The following CASZ1 variants were observed in gnomAD, a reference collection of about 807,000 sequenced individuals.
CASZ1 encodes the protein zinc finger protein castor homolog 1.
In CASZ1, 28 loss-of-function variants were observed where a neutral mutation model predicts 135.2. The ratio of observed to expected loss-of-function variants is 0.21; its 90% CI spans 0.15 to 0.28. The LOEUF is 0.28. Among genes scored for constraint, CASZ1 ranks in the 10% least tolerant of loss-of-function variants. The probability of loss-of-function intolerance (pLI) is 1.00; values close to 1 mark genes in which losing one functional copy is unlikely to be tolerated. For missense variants in CASZ1, 2,161 were observed against 2,453.3 expected (o/e 0.88, Z 2.52); for synonymous variants, 1,068 against 1,073.4 (o/e 0.99, Z 0.10).
In CASZ1 at chr1:10,768,030, G is replaced by A. The variant is rs1370240965; in HGVS notation, c.-233-7173C>T. Among the ~76,000 whole-genome samples, 6 of 152,326 alleles carry A rather than the reference G, an allele frequency of 3.9e-5. No homozygotes were observed. The South Asian group carries it at 6.2e-4, about 16-fold the overall frequency. ...CTTGACTGAGTCAGGGGCCTTCCGG[G>A]AGCTGGAAGACCCTCACAAGGAGCG... On this transcript the variant is annotated intron_variant, in intron 1 of 20. Transcript: ENST00000377022.
rs1228224628 is a variant in CASZ1 at position 10,724,870 on chromosome 1, TTCTC to T, written c.-76-19330_-76-19327del. 6.6e-6 allele frequency among the ~76,000 whole-genome samples: 1 copy of T among 152,336 alleles called. No individual in the cohort carries two copies. The highest frequency in any genetic ancestry group is 6.5e-5 in the Admixed American group (1 of 15,312). On this transcript the variant is annotated intron_variant, in intron 2 of 20. Transcript: ENST00000377022. The surrounding 1 kb of genome is among the most constrained non-coding windows in gnomAD (Gnocchi z 4.1). ...ACCTGGGGAAGAGAAGGTGCTCAAC[TTCTC>T]TCTTTCTCCTCTTTCTCTGAAGTTT... is the stretch of plus-strand genomic sequence containing the variant.
At chr1:10,778,204 C>T (rs1352120197) in intron 1 of CASZ1, among the ~76,000 whole-genome samples, 1 of 151,548 alleles carries the variant, frequency 6.6e-6, no homozygotes, top group Non-Finnish European at 1.5e-5. Context: ...CACACTCTCA[C>T]ACACAACCAC....
At position 10,653,053 on chromosome 1, in the gene CASZ1, T is replaced by A. The variant is rs1210903334; in HGVS notation, c.2680+324A>T. Reference sequence around the variant, plus strand: ...TGCTCTTATCAGGGTGGACTTGGGATGTGGGAGGGTGAGCAGACAGGGAGG... The same window carrying A: ...TGCTCTTATCAGGGTGGACTTGGGAAGTGGGAGGGTGAGCAGACAGGGAGG... On this transcript the variant is annotated intron_variant, in intron 11 of 20. Transcript: ENST00000377022. 14 of 382,624 alleles carry A rather than the reference T, an allele frequency of 3.7e-5. No individual in the cohort carries two copies. The East Asian group carries it at 8.5e-4, about 23-fold the overall frequency. The allele number at this position is 382,624 out of a possible 1,614,324, so 23.7% of individuals were successfully genotyped here.
At position 10,680,668 on chromosome 1, in the gene CASZ1, G is replaced by A. The variant is rs144226113; in HGVS notation, c.16+13206C>T. On this transcript the variant is annotated intron_variant, in intron 4 of 20. Transcript: ENST00000377022. ...GGCCCTGAGGTCAGCGGGTGGAGAAGGTGAAGGGGCAGGCGGGCAGACGGA... is the reference window on the plus strand; with the variant it reads ...GGCCCTGAGGTCAGCGGGTGGAGAAAGTGAAGGGGCAGGCGGGCAGACGGA... Among the ~76,000 whole-genome samples the A allele has an allele frequency of 2.5e-4, 38 of 152,308 alleles. No homozygotes were observed. In the East Asian group the frequency reaches 7.0e-3, roughly 28 times the overall value.
intron 1 of CASZ1, among the ~76,000 whole-genome samples, chr1:10,770,352 TG>T: frequency 6.6e-6 from 1 of 152,252 alleles, no homozygotes; most frequent in East Asian, 1.9e-4. Flanking sequence ...CCCAAAGTGC[TG>T]GGAGTACAGG....
Position 10,646,065 on chromosome 1 carries a change from T to G in CASZ1, c.3696+63A>C. 1.3e-6 allele frequency: 2 copies of G among 1,520,772 alleles called. No individual in the cohort carries two copies. Among genetic ancestry groups the G allele is most frequent in the Non-Finnish European group, 1.8e-6 (2 of 1,099,598 alleles). 94.2% of individuals were successfully genotyped at this position (1,520,772 alleles called of 1,614,324 possible). On this transcript the variant is annotated intron_variant, in intron 17 of 20. Transcript: ENST00000377022. This position sits in a 1 kb window ranked among gnomAD's most constrained non-coding sequence, Gnocchi z 6.4. ...GCCAGGAGGTGACTGTCCTGTGCCC[T>G]GAGCTAGCCCTGCACCTCCCTGCCC...
rs1642692559 is a variant in CASZ1, at chr1:10,653,893, T to A, written c.2164A>T (p.Asn722Tyr). Residue 722 changes from asparagine to tyrosine, a missense_variant, in exon 11 of 21, where the codon AAC becomes TAC. Coordinates refer to ENST00000377022, the MANE Select transcript of CASZ1 (RefSeq NM_001079843.3). ...GCGGAGAAGTCAACAAGGTCGTCGT[T>A]GCTGGACTCCTCGTGCTCCGTGTCC... ...AKDTEHEESS[N>Y]DDLVDFSALS... The A allele has an allele frequency of 1.9e-6, 3 of 1,613,316 alleles. No homozygotes were observed. The highest frequency in any genetic ancestry group is 1.3e-5 in the African/African-American group (1 of 74,920).
chr1:10,751,247 T>A (rs561234779), intron 2 of CASZ1, among the ~76,000 whole-genome samples: 2 of 152,244 alleles, frequency 1.3e-5, no homozygotes, highest in South Asian at 4.1e-4. Context: ...GTGACAAGGA[T>A]CTGATTAGAG....
Position 10,660,547 on chromosome 1 carries a change from G to C in CASZ1, c.506-11C>G. Reference sequence around the variant, plus strand: ...GCGAGGAGGCCTCTCCTGCAGAGGAGGATGGGGGCGCATCACCTCTGGGAG... The same window carrying C: ...GCGAGGAGGCCTCTCCTGCAGAGGACGATGGGGGCGCATCACCTCTGGGAG... On this transcript the variant is annotated splice_polypyrimidine_tract_variant and intron_variant, in intron 5 of 20. Transcript: ENST00000377022. 1 of 1,605,082 alleles carries C rather than the reference G, an allele frequency of 6.2e-7. No individual in the cohort carries two copies. Among genetic ancestry groups the C allele is most frequent in the Non-Finnish European group, 8.5e-7 (1 of 1,177,442 alleles).
intron 5 of CASZ1, among the ~76,000 whole-genome samples, chr1:10,662,881 C>T (rs757866524): frequency 3.3e-5 from 5 of 152,200 alleles, no homozygotes; most frequent in East Asian, 1.9e-4. Flanking sequence ...AGGGAGAAGG[C>T]GGTCAGTCCC....
At chr1:10,675,159 C>T (rs1020855773) in intron 4 of CASZ1, among the ~76,000 whole-genome samples, 8 of 152,200 alleles carry the variant, frequency 5.3e-5, no homozygotes, top group Admixed American at 3.9e-4. Context: ...CCCCTCCTGA[C>T]GAAGTGACTT....
At position 10,694,905 on chromosome 1, in the gene CASZ1, G is replaced by GCGCT. The variant is rs1177274354; in HGVS notation, c.-23-997_-23-994dup. 7.0e-6 allele frequency among the ~76,000 whole-genome samples: 1 copy of GCGCT among 143,534 alleles called. No homozygotes were observed. The highest frequency in any genetic ancestry group is 1.5e-5 in the Non-Finnish European group (1 of 64,788). 94.2% of individuals were successfully genotyped at this position (143,534 alleles called of 152,430 possible). A position where few individuals can be genotyped will look rare whatever the true frequency, so the allele number is the denominator to read the frequency against. On this transcript the variant is annotated intron_variant, in intron 3 of 20. Transcript: ENST00000377022. The surrounding 1 kb of genome is among the most constrained non-coding windows in gnomAD (Gnocchi z 6.6). ...TTGCCGGCCGCCGGCGGCCGCGCGC[G>GCGCT]CGCTCGCATGCTGCCAGCGGCCGCT... is the stretch of plus-strand genomic sequence containing the variant.
Position 10,788,567 on chromosome 1 carries a change from A to G in CASZ1, c.-234+7997T>C, listed in dbSNP as rs954066670. The stretch of plus-strand genomic sequence containing the variant: ...CACATGGATTCAAAAGAAGGGAAGA[A>G]GCACAGCCCAGAGACTGCCCGCCGT... On this transcript the variant is annotated intron_variant, in intron 1 of 20. Coordinates refer to ENST00000377022, the MANE Select transcript of CASZ1 (RefSeq NM_001079843.3). This position sits in a 1 kb window ranked among gnomAD's most constrained non-coding sequence, Gnocchi z 4.1. Among the ~76,000 whole-genome samples, 3 of 152,212 alleles carry G rather than the reference A, an allele frequency of 2.0e-5. No homozygotes were observed. Among genetic ancestry groups the G allele is most frequent in the Non-Finnish European group, 4.4e-5 (3 of 68,032 alleles).
Position 10,642,731 on chromosome 1 carries a change from C to T in CASZ1, c.4162+128G>A, listed in dbSNP as rs909034283. The T allele has an allele frequency of 2.9e-6, 3 of 1,037,514 alleles. No individual in the cohort carries two copies. The African/African-American group carries it at 4.8e-5, about 17-fold the overall frequency. 64.3% of individuals were successfully genotyped at this position (1,037,514 alleles called of 1,614,324 possible). A position where few individuals can be genotyped will look rare whatever the true frequency, so the allele number is the denominator to read the frequency against. On this transcript the variant is annotated intron_variant, in intron 20 of 20. Coordinates refer to ENST00000377022, the MANE Select transcript of CASZ1 (RefSeq NM_001079843.3). ...ACCCAGTCCCACAGACCAGCTGGCT[C>T]TGCTGCACGCCAGCCTGTCCTCCTC...
intron 4 of CASZ1, among the ~76,000 whole-genome samples, chr1:10,689,160 A>AGGAGGCTGAT (rs953844747): frequency 6.6e-6 from 1 of 151,928 alleles, no homozygotes; most frequent in Non-Finnish European, 1.5e-5. Flanking sequence ...GCCGTTCTAG[A>AGGAGGCTGAT]GGAGGCTGAT....
intron 2 of CASZ1, among the ~76,000 whole-genome samples, chr1:10,732,407 G>A (rs1349819867): frequency 6.6e-6 from 1 of 151,570 alleles, no homozygotes; most frequent in Non-Finnish European, 1.5e-5. Context: ...AGATCATAAA[G>A]GGTCACTGAG....
At chr1:10,664,545 G>A (rs886077279) in intron 5 of CASZ1, among the ~76,000 whole-genome samples, 9 of 152,138 alleles carry the variant, frequency 5.9e-5, no homozygotes, top group African/African-American at 2.2e-4. Flanking sequence ...GGAGGGCCAG[G>A]GACAGCGGTG....
chr1:10,683,886 CG>C (rs1393196446), intron 4 of CASZ1, among the ~76,000 whole-genome samples: 2 of 152,196 alleles, frequency 1.3e-5, no homozygotes, highest in Non-Finnish European at 2.9e-5. Flanking sequence ...GGGTACACAT[CG>C]GGGCCAGAGA....
intron 1 of CASZ1, among the ~76,000 whole-genome samples, chr1:10,783,888 A>AC (rs944467735): frequency 6.6e-6 from 1 of 151,576 alleles, no homozygotes; most frequent in Non-Finnish European, 1.5e-5. Context: ...AAAAAAAAAA[A>AC]AAAAACCTAC....
Sources: allele counts gnomAD v4.1 joint callset (sites outside exome capture counted in the v4.1 genomes callset), GRCh38; gene constraint gnomAD v4.1.1; non-coding constraint Gnocchi (gnomAD v3.1); transcripts MANE v1.5; gene names NCBI Gene and HGNC (gene_info 2026-07-23, HGNC 2026-07-21).